PCDHGA6: variants seen among roughly 807,000 people sequenced by gnomAD.
PCDHGA6 encodes the protein protocadherin gamma-A6.
PCDHGA6 carries 41 observed loss-of-function variants against 60.6 expected under a neutral mutation model. The observed-to-expected ratio is 0.68, with a 90% CI of 0.53 to 0.88. The LOEUF (loss-of-function observed/expected upper bound fraction) is 0.88, where lower values mean the gene tolerates loss of function less well. Among genes scored for constraint, PCDHGA6 ranks in the 40% least tolerant of loss-of-function variants. The probability of loss-of-function intolerance (pLI) is 0.00; values close to 1 mark genes in which losing one functional copy is unlikely to be tolerated. For synonymous variants in PCDHGA6, 594 were observed against 524.4 expected (o/e 1.13, Z -1.81); for missense variants, 1,312 against 1,203.0 (o/e 1.09, Z -1.34).
intron 1 of PCDHGA6, among the ~76,000 whole-genome samples, chr5:141,494,496 T>A (rs147870810): frequency 2.9e-3 from 442 of 152,264 alleles, no homozygotes; most frequent in Non-Finnish European, 4.9e-3. Flanking sequence ...ATGCCTTCAG[T>A]CCTTGAATTT....
intron 1 of PCDHGA6, chr5:141,433,257 G>T: frequency 7.2e-7 from 1 of 1,385,416 alleles, no homozygotes; most frequent in Non-Finnish European, 9.9e-7. Context: ...GCAGCGGTAC[G>T]ATCATAGCTC....
In PCDHGA6 at chr5:141,477,551, C is replaced by T. The variant is rs372055994; in HGVS notation, c.2425-17256C>T. ...CCTCCCCGGGGCTCCAATACTAAAC[C>T]TAAGTGTCTGGGACCCCGACGCCCC... On this transcript the variant is annotated intron_variant, in intron 1 of 3. Coordinates refer to ENST00000517434, the MANE Select transcript of PCDHGA6 (RefSeq NM_018919.3). The surrounding 1 kb of genome is among the most constrained non-coding windows in gnomAD (Gnocchi z 4.9). The T allele has an allele frequency of 8.1e-6, 13 of 1,614,060 alleles. No homozygotes were observed. Among genetic ancestry groups the T allele is most frequent in the Non-Finnish European group, 1.0e-5 (12 of 1,180,042 alleles).
intron 1 of PCDHGA6, chr5:141,394,322 G>A (rs1438978424): frequency 1.9e-6 from 3 of 1,613,842 alleles, no homozygotes; most frequent in African/African-American, 1.3e-5. Flanking sequence ...CCCTGTCCTC[G>A]TATATCTCCA....
intron 1 of PCDHGA6, among the ~76,000 whole-genome samples, chr5:141,381,018 ATTAG>A (rs1442442460): frequency 4.6e-5 from 7 of 152,398 alleles, no homozygotes; most frequent in Admixed American, 1.3e-4. Context: ...TAATACCTCT[ATTAG>A]TTCCTTTAAA....
chr5:141,467,506 G>A (rs1364362269), intron 1 of PCDHGA6, among the ~76,000 whole-genome samples: 1 of 152,094 alleles, frequency 6.6e-6, no homozygotes, highest in Non-Finnish European at 1.5e-5. Flanking sequence ...TGATCTAATT[G>A]GAGTTTATTC....
chr5:141,423,156 C>G, intron 1 of PCDHGA6: 1 of 1,613,388 alleles, frequency 6.2e-7, no homozygotes, highest in Non-Finnish European at 8.5e-7. Flanking sequence ...AGCAGAGCCT[C>G]GTGGTGGCCG....
In PCDHGA6 at chr5:141,400,400, C is replaced by T. The variant is rs375490385; in HGVS notation, c.2424+23893C>T. On this transcript the variant is annotated intron_variant, in intron 1 of 3. Coordinates refer to ENST00000517434, the MANE Select transcript of PCDHGA6 (RefSeq NM_018919.3). ...CTATGTGTTGCACATACAGGAAAGA[C>T]GGAGTTTAATTTCCTAAAATGTAGT... 65 of 1,614,000 alleles carry T rather than the reference C, an allele frequency of 4.0e-5. No individual in the cohort carries two copies. Among genetic ancestry groups the T allele is most frequent in the South Asian group, 3.8e-4 (35 of 91,078 alleles).
Position 141,491,732 on chromosome 5 carries a change from C to G in PCDHGA6, c.2425-3075C>G. ...GGCTCGGCGCCGCCCCGGGCGACCC[C>G]TGGGGGCGGCACTGGAGAAGCCGCC... On this transcript the variant is annotated intron_variant, in intron 1 of 3. Coordinates refer to ENST00000517434, the MANE Select transcript of PCDHGA6 (RefSeq NM_018919.3). This position sits in a 1 kb window ranked among gnomAD's most constrained non-coding sequence, Gnocchi z 6.9. The G allele has an allele frequency of 1.2e-6, 2 of 1,602,752 alleles. No individual in the cohort carries two copies. Among genetic ancestry groups the G allele is most frequent in the Non-Finnish European group, 1.7e-6 (2 of 1,175,308 alleles).
intron 1 of PCDHGA6, among the ~76,000 whole-genome samples, chr5:141,463,438 C>CTTTTTTTTTTTTT (rs71576115): frequency 9.7e-6 from 1 of 103,256 alleles, no homozygotes; most frequent in Non-Finnish European, 1.9e-5. Context: ...TTTCCTTCTC[C>CTTTTTTTTTTTTT]TTTTTTTTTT....
intron 1 of PCDHGA6, among the ~76,000 whole-genome samples, chr5:141,438,587 CATACATATATATATATATATATATATAT>C (rs1267620600): frequency 1.4e-5 from 1 of 73,428 alleles, no homozygotes; most frequent in Non-Finnish European, 2.6e-5. Context: ...TACATACATA[CATACATATATATATATATATATATATAT>C]ATATATATAT....
chr5:141,385,276 A>T (rs1315773619), intron 1 of PCDHGA6: 3 of 1,613,446 alleles, frequency 1.9e-6, no homozygotes, highest in Non-Finnish European at 2.5e-6. Context: ...TTCTTTGCTA[A>T]CATCCGTAGA....
In PCDHGA6 at chr5:141,373,940, C is replaced by T; in HGVS notation, c.-144C>T. ...CAAATTAGACGGGAAAGCAGGAAAG[C>T]TGTGCAGAAATTCTGACCTGAAACG... is the stretch of plus-strand genomic sequence containing the variant. On this transcript the variant is annotated 5_prime_UTR_variant, in exon 1 of 4. Coordinates refer to ENST00000517434, the MANE Select transcript of PCDHGA6 (RefSeq NM_018919.3). 1 of 716,494 alleles carries T rather than the reference C, an allele frequency of 1.4e-6. No homozygotes were observed. Among genetic ancestry groups the T allele is most frequent in the East Asian group, 3.0e-5 (1 of 33,188 alleles). The allele number at this position is 716,494 out of a possible 1,614,324, so 44.4% of individuals were successfully genotyped here.
In PCDHGA6 at chr5:141,509,341, G is replaced by C. The variant is rs552337350; in HGVS notation, c.2573-1606G>C. Among the ~76,000 whole-genome samples, 4 of 152,290 alleles carry C rather than the reference G, an allele frequency of 2.6e-5. No homozygotes were observed. The East Asian group carries it at 7.7e-4, about 29-fold the overall frequency. On this transcript the variant is annotated intron_variant, in intron 3 of 3. Transcript: ENST00000517434. ...GAAGCTCTACTGCCAGCTGGGCCTG[G>C]GCTGGCCTGGGCATCCCTGAGGTTT...
In PCDHGA6 at chr5:141,432,088, A is replaced by T. The variant is rs144317211; in HGVS notation, c.2424+55581A>T. The T allele has an allele frequency of 2.9e-5, 47 of 1,614,148 alleles. No individual in the cohort carries two copies. In the African/African-American group the frequency reaches 5.7e-4, roughly 20 times the overall value. On this transcript the variant is annotated intron_variant, in intron 1 of 3. Transcript: ENST00000517434. This position sits in a 1 kb window ranked among gnomAD's most constrained non-coding sequence, Gnocchi z 6.0. Reference sequence around the variant, plus strand: ...AAACTCATATCTCGCTGAACGTGGCAGACACCAACGACAACCCGCCGGTCT... The same window carrying T: ...AAACTCATATCTCGCTGAACGTGGCTGACACCAACGACAACCCGCCGGTCT...
rs544565104 is a variant in PCDHGA6, at chr5:141,489,014, G to A, written c.2425-5793G>A. 2.5e-5 allele frequency: 11 copies of A among 433,976 alleles called. No individual in the cohort carries two copies. The highest frequency in any genetic ancestry group is 1.6e-4 in the Admixed American group (4 of 25,754). The allele number at this position is 433,976 out of a possible 1,614,324, so 26.9% of individuals were successfully genotyped here. On this transcript the variant is annotated intron_variant, in intron 1 of 3. Coordinates refer to ENST00000517434, the MANE Select transcript of PCDHGA6 (RefSeq NM_018919.3). This position sits in a 1 kb window ranked among gnomAD's most constrained non-coding sequence, Gnocchi z 4.5. ...GGTGGGAGATCTGCTCTTCCAGCCC[G>A]CCTCTCCTCCTCCAGCTCCCCAGCT... is the stretch of plus-strand genomic sequence containing the variant.
Position 141,512,270 on chromosome 5 carries a change from G to C in PCDHGA6, c.*1097G>C, listed in dbSNP as rs1188941232. On this transcript the variant is annotated 3_prime_UTR_variant, in exon 4 of 4. Transcript: ENST00000517434. ...TCTGTGGGTGCTGGGTACTCCAGAG[G>C]TGCCACTGGTGGAAGGGTCAGCGGA... 6.5e-6 allele frequency: 1 copy of C among 152,714 alleles called. No homozygotes were observed. The highest frequency in any genetic ancestry group is 2.4e-5 in the African/African-American group (1 of 41,452). The allele number at this position is 152,714 out of a possible 1,614,324, so 9.5% of individuals were successfully genotyped here. A position where few individuals can be genotyped will look rare whatever the true frequency, so the allele number is the denominator to read the frequency against.
chr5:141,468,226 G>T (rs967204965), intron 1 of PCDHGA6, among the ~76,000 whole-genome samples: 2 of 151,038 alleles, frequency 1.3e-5, no homozygotes, highest in Admixed American at 1.3e-4. Flanking sequence ...TTGGGAGGAT[G>T]AGGTAGGAGA....
At chr5:141,469,610 AAAAT>A (rs1360697662) in intron 1 of PCDHGA6, among the ~76,000 whole-genome samples, 1 of 152,194 alleles carries the variant, frequency 6.6e-6, no homozygotes, top group Non-Finnish European at 1.5e-5. Context: ...TAAGTAAAAT[AAAAT>A]AAATGTTTGT....
At chr5:141,420,289 AT>A in intron 1 of PCDHGA6, 1 of 1,497,936 alleles carries the variant, frequency 6.7e-7, no homozygotes, top group Non-Finnish European at 9.0e-7. Flanking sequence ...GTATTTAAAA[AT>A]GTATTTAATC....
Sources: gnomAD v4.1 joint callset for allele counts (sites outside exome capture counted in the v4.1 genomes callset) on GRCh38, gnomAD v4.1.1 for gene constraint, Gnocchi (gnomAD v3.1) non-coding constraint, MANE v1.5 for transcripts, NCBI Gene and HGNC (gene_info 2026-07-23, HGNC 2026-07-21) for gene names.